AGBL4: variants seen among roughly 807,000 people sequenced by gnomAD.
AGBL4 encodes AGBL carboxypeptidase 4, also known as cytosolic carboxypeptidase 6.
Under a neutral mutation model 66.4 loss-of-function variants are expected in AGBL4, and 58 were observed. That is an observed-to-expected ratio of 0.87 (90% CI 0.71 to 1.09). AGBL4 has a LOEUF of 1.09. AGBL4 is among the 50% of genes least tolerant of loss of function. The pLI, the probability that AGBL4 is intolerant of heterozygous loss-of-function variation, is 0.00. For missense variants in AGBL4, 579 were observed against 631.0 expected (o/e 0.92, Z 0.88); for synonymous variants, 234 against 222.9 (o/e 1.05, Z -0.44).
intron 3 of AGBL4, among the ~76,000 whole-genome samples, chr1:49,645,396 C>A (rs946552371): frequency 9.5e-6 from 1 of 105,780 alleles, no homozygotes; most frequent in Admixed American, 1.0e-4. Flanking sequence ...CTATAATTAT[C>A]AAAAAAAATT....
chr1:49,840,585 A>G (rs4363466), intron 2 of AGBL4, among the ~76,000 whole-genome samples: 60,938 of 151,952 alleles, frequency 0.4, 15,572 homozygotes, highest in Non-Finnish European at 0.57. Flanking sequence ...ACTTCAGGTC[A>G]ATATCGCCAA....
chr1:49,513,328 T>C (rs1359094372), intron 3 of AGBL4, among the ~76,000 whole-genome samples: 5 of 152,106 alleles, frequency 3.3e-5, no homozygotes, highest in East Asian at 1.9e-4. Flanking sequence ...ATTTGTTACA[T>C]AGGAATATTG....
At chr1:49,295,987 G>A (rs1644636514) in intron 3 of AGBL4, among the ~76,000 whole-genome samples, 1 of 152,182 alleles carries the variant, frequency 6.6e-6, no homozygotes, top group Admixed American at 6.5e-5. Flanking sequence ...ACGTATCTTT[G>A]TCTAGAGAAT....
In AGBL4 at chr1:49,180,063, G is replaced by A. The variant is rs970117905; in HGVS notation, c.377+65707C>T. On this transcript the variant is annotated intron_variant, in intron 4 of 13. Transcript: ENST00000371839. ...GTCACAGGCATGCACCACCATGCCCGGCTAATTTTGTATTTTTAGTAGAGA... is the reference window on the plus strand; with the variant it reads ...GTCACAGGCATGCACCACCATGCCCAGCTAATTTTGTATTTTTAGTAGAGA... 4.0e-5 allele frequency among the ~76,000 whole-genome samples: 6 copies of A among 151,898 alleles called. 1 individual carries two copies. The South Asian group carries it at 8.3e-4, about 21-fold the overall frequency.
chr1:48,905,286 G>A (rs1008491340), intron 5 of AGBL4, among the ~76,000 whole-genome samples: 2 of 152,300 alleles, frequency 1.3e-5, no homozygotes, highest in Middle Eastern at 3.4e-3. Flanking sequence ...TTGTATGCTT[G>A]CAGGCCTTCT....
chr1:49,354,426 A>T (rs1473550439), intron 3 of AGBL4, among the ~76,000 whole-genome samples: 1 of 152,032 alleles, frequency 6.6e-6, no homozygotes, highest in East Asian at 1.9e-4. Context: ...CTCATTGCTC[A>T]CTCTTTGTCA....
chr1:50,020,126 C>T lies in AGBL4; in HGVS notation c.34+3637G>A, dbSNP rs368277911. Among the ~76,000 whole-genome samples, 214 of 152,044 alleles carry T rather than the reference C, an allele frequency of 1.4e-3. 1 individual carries two copies. The highest frequency in any genetic ancestry group is 4.8e-3 in the African/African-American group (200 of 41,514). On this transcript the variant is annotated intron_variant, in intron 1 of 13. Transcript: ENST00000371839. Reference sequence around the variant, plus strand: ...CTCAAAATCTACCTCACACAGAGACCGGTCCCATGATACACAGTTCAGGTA... The same window carrying T: ...CTCAAAATCTACCTCACACAGAGACTGGTCCCATGATACACAGTTCAGGTA...
At chr1:48,686,682 T>C (rs867062565) in intron 6 of AGBL4, among the ~76,000 whole-genome samples, 3 of 152,204 alleles carry the variant, frequency 2.0e-5, no homozygotes, top group South Asian at 2.1e-4. Context: ...GTGGGGACTT[T>C]CGGCCATGCA....
rs935668414 is a variant in AGBL4, at chr1:49,717,122, A to G, written c.158-19685T>C. On this transcript the variant is annotated intron_variant, in intron 2 of 13. Transcript: ENST00000371839. Reference sequence around the variant, plus strand: ...ACGTGCAAAAATCACAAGCATTCCTATACACCATTAATAGACAAACAGAGA... The same window carrying G: ...ACGTGCAAAAATCACAAGCATTCCTGTACACCATTAATAGACAAACAGAGA... Among the ~76,000 whole-genome samples the G allele has an allele frequency of 1.5e-4, 23 of 152,128 alleles. 1 individual carries two copies. Among genetic ancestry groups the G allele is most frequent in the African/African-American group, 5.5e-4 (23 of 41,448 alleles).
chr1:49,892,989 T>C (rs1318654868), intron 1 of AGBL4, among the ~76,000 whole-genome samples: 7 of 152,082 alleles, frequency 4.6e-5, no homozygotes, highest in Non-Finnish European at 8.8e-5. Flanking sequence ...GTCTTAGAAA[T>C]AGTATAAATA....
chr1:49,935,367 T>A (rs1421901586), intron 1 of AGBL4, among the ~76,000 whole-genome samples: 2 of 152,288 alleles, frequency 1.3e-5, no homozygotes, highest in East Asian at 1.9e-4. Context: ...CAGCTCAAGG[T>A]TGCCTGCCTG....
intron 4 of AGBL4, among the ~76,000 whole-genome samples, chr1:49,110,797 A>G (rs1645391138): frequency 6.6e-6 from 1 of 152,140 alleles, no homozygotes; most frequent in Non-Finnish European, 1.5e-5. Flanking sequence ...CTGCATATGC[A>G]TATGCTTATT....
chr1:48,885,915 G>A (rs1252158886), intron 5 of AGBL4, among the ~76,000 whole-genome samples: 2 of 152,186 alleles, frequency 1.3e-5, no homozygotes, highest in African/African-American at 4.8e-5. Context: ...AAATGGTATT[G>A]CAACCATCAC....
intron 3 of AGBL4, among the ~76,000 whole-genome samples, chr1:49,654,927 A>G (rs955813044): frequency 6.6e-6 from 1 of 152,126 alleles, no homozygotes; most frequent in Non-Finnish European, 1.5e-5. Flanking sequence ...GTTACATTTA[A>G]GGTTCATATT....
intron 6 of AGBL4, among the ~76,000 whole-genome samples, chr1:48,814,737 T>C (rs1441147290): frequency 3.3e-5 from 5 of 152,286 alleles, no homozygotes; most frequent in East Asian, 3.9e-4. Context: ...AATGACAGGA[T>C]GTCAGTCTTT....
At chr1:48,670,768 A>G (rs1261939269) in intron 6 of AGBL4, among the ~76,000 whole-genome samples, 1 of 152,226 alleles carries the variant, frequency 6.6e-6, no homozygotes. Flanking sequence ...AGCACCCTAC[A>G]AACACCTCCA....
At chr1:49,130,745 C>T (rs376951966) in intron 4 of AGBL4, among the ~76,000 whole-genome samples, 4 of 151,938 alleles carry the variant, frequency 2.6e-5, no homozygotes, top group Admixed American at 1.3e-4. Context: ...AGTCAGGTAG[C>T]GTGATGCCTC....
chr1:49,399,153 T>G (rs1262007029), intron 3 of AGBL4, among the ~76,000 whole-genome samples: 1 of 152,164 alleles, frequency 6.6e-6, no homozygotes, highest in Non-Finnish European at 1.5e-5. Context: ...CGGAGCTCCA[T>G]TCATGTTGTT....
chr1:48,710,160 T>C (rs1021765099), intron 6 of AGBL4, among the ~76,000 whole-genome samples: 6 of 152,068 alleles, frequency 3.9e-5, no homozygotes, highest in Non-Finnish European at 8.8e-5. Flanking sequence ...CAGTTGCAAC[T>C]ATGAAGAAAT....
Sources: gnomAD v4.1 joint callset for allele counts (sites outside exome capture counted in the v4.1 genomes callset) on GRCh38, gnomAD v4.1.1 for gene constraint, MANE v1.5 for transcripts, NCBI Gene and HGNC (gene_info 2026-07-23, HGNC 2026-07-21) for gene names.